The following ARHGAP19 variants were observed in gnomAD, a reference collection of about 807,000 sequenced individuals.
The protein encoded by ARHGAP19 is rho GTPase-activating protein 19.
A neutral mutation model predicts 60.9 loss-of-function variants in ARHGAP19; 48 were observed. That is an observed-to-expected ratio of 0.79 (90% CI 0.62 to 1.00). The LOEUF (loss-of-function observed/expected upper bound fraction) is 1.00. Among genes scored for constraint, ARHGAP19 ranks in the 50% least tolerant of loss-of-function variants. ARHGAP19 has a pLI of 0.00. For missense variants in ARHGAP19, 562 were observed against 597.2 expected, an observed-to-expected ratio of 0.94 and a Z score of 0.61; for synonymous variants, 209 against 215.5, an observed-to-expected ratio of 0.97 and a Z score of 0.27.
At chr10:97,230,428 T>A (rs1850986475) in intron 9 of ARHGAP19, among the ~76,000 whole-genome samples, 1 of 152,206 alleles carries the variant, frequency 6.6e-6, no homozygotes, top group Non-Finnish European at 1.5e-5. Context: ...CTTAAGGGGG[T>A]CACATGACTG....
intron 6 of ARHGAP19, among the ~76,000 whole-genome samples, chr10:97,253,116 C>T (rs772934953): frequency 2.6e-5 from 4 of 152,004 alleles, no homozygotes; most frequent in Non-Finnish European, 4.4e-5. Context: ...AGGTTGGCTG[C>T]GGTGGCTCAC....
chr10:97,263,538 G>C lies in ARHGAP19; in HGVS notation c.495C>G (p.Asp165Glu), dbSNP rs1842858743. 6.2e-7 allele frequency: 1 copy of C among 1,614,000 alleles called. No individual in the cohort carries two copies. The stretch of plus-strand genomic sequence containing the variant: ...TTGAGTGAAATTCCCCTGATTCCAA[G>C]TCAATGTCAGTTCCATTATTGAGAG... ...RDALNNGTDI[D>E]LESGEFHSND... The change falls in exon 4 of 12, where the codon GAC (aspartate) becomes GAG (glutamate). Residue 165 changes from aspartate (D) to glutamate (E), a missense_variant. By Grantham distance (45) the Asp-to-Glu change is conservative. Transcript: ENST00000358531.
At chr10:97,259,721 A>C in intron 4 of ARHGAP19, 93 bp from the exon 5 acceptor site, 1 of 867,964 alleles carries the variant, frequency 1.2e-6, no homozygotes, top group Non-Finnish European at 1.9e-6. Context: ...ACTCCCATCA[A>C]AGAAAGAGGG....
chr10:97,272,284 C>CCACCCCACCCA (rs1842970341), intron 1 of ARHGAP19, among the ~76,000 whole-genome samples: 1 of 151,868 alleles, frequency 6.6e-6, no homozygotes, highest in Non-Finnish European at 1.5e-5. Flanking sequence ...TAGGCACACG[C>CCACCCCACCCA]CACCCCACCC....
At chr10:97,236,803 G>GAAAATAAA (rs1842386774) in intron 8 of ARHGAP19, among the ~76,000 whole-genome samples, 1 of 80,032 alleles carries the variant, frequency 1.2e-5, no homozygotes, top group African/African-American at 5.1e-5. Context: ...AACAGACTCA[G>GAAAATAAA]AAAAAAAAAA....
At chr10:97,235,046 G>A (rs1175221469) in intron 9 of ARHGAP19, among the ~76,000 whole-genome samples, 171 bp downstream of exon 9, 1 of 152,146 alleles carries the variant, frequency 6.6e-6, no homozygotes, top group Non-Finnish European at 1.5e-5. Flanking sequence ...GTGCAACACA[G>A]CAAAGCACTT....
At chr10:97,272,131 C>CTTTTTTTTTTTTTTT (rs35980234) in intron 1 of ARHGAP19, among the ~76,000 whole-genome samples, 4 of 85,634 alleles carry the variant, frequency 4.7e-5, no homozygotes, top group Non-Finnish European at 6.1e-5. Context: ...GGAAATATGT[C>CTTTTTTTTTTTTTTT]TTTTTTTTTT....
intron 6 of ARHGAP19, among the ~76,000 whole-genome samples, chr10:97,249,770 C>T (rs797015486): frequency 2.6e-4 from 38 of 147,284 alleles, no homozygotes; most frequent in African/African-American, 9.5e-4. Flanking sequence ...TTTTTAGTTT[C>T]TTAGATGTGA....
At chr10:97,270,652 A>C in intron 1 of ARHGAP19, 1 of 1,548,304 alleles carries the variant, frequency 6.5e-7, no homozygotes, top group South Asian at 1.2e-5. Flanking sequence ...TCGAAGAGAC[A>C]GGAAGAAAGC....
intron 6 of ARHGAP19, among the ~76,000 whole-genome samples, chr10:97,251,248 G>GGGAA: frequency 2.2e-5 from 1 of 46,120 alleles, no homozygotes; most frequent in East Asian, 5.7e-4. Flanking sequence ...GGAAGGGAAG[G>GGGAA]GGGAGGGAAG....
At chr10:97,237,479 A>G (rs1026812182) in intron 8 of ARHGAP19, among the ~76,000 whole-genome samples, 1 of 152,170 alleles carries the variant, frequency 6.6e-6, no homozygotes, top group African/African-American at 2.4e-5. Flanking sequence ...GTGTTACTCA[A>G]GTGACTGCAG....
chr10:97,273,784 C>T (rs886217105), intron 1 of ARHGAP19, among the ~76,000 whole-genome samples: 4 of 152,178 alleles, frequency 2.6e-5, no homozygotes, highest in Admixed American at 6.5e-5. Flanking sequence ...CCACCACACC[C>T]GACCCACAAC....
intron 1 of ARHGAP19, among the ~76,000 whole-genome samples, chr10:97,290,232 C>T (rs983565165): frequency 2.0e-5 from 3 of 152,180 alleles, no homozygotes; most frequent in Admixed American, 6.5e-5. Context: ...TCTACCACTG[C>T]TGTTTGCCGC....
chr10:97,290,375 G>T (rs1341162693), intron 1 of ARHGAP19, among the ~76,000 whole-genome samples: 1 of 152,194 alleles, frequency 6.6e-6, no homozygotes, highest in Admixed American at 6.6e-5. Flanking sequence ...GCTTGCCATT[G>T]TTCCTGCATG....
At chr10:97,262,060 A>G (rs1358576986) in intron 4 of ARHGAP19, among the ~76,000 whole-genome samples, 1 of 152,178 alleles carries the variant, frequency 6.6e-6, no homozygotes, top group Non-Finnish European at 1.5e-5. Context: ...TTTAGAAATC[A>G]GTAACACTGG....
At chr10:97,226,947 AC>A (rs2134798601) in intron 11 of ARHGAP19, among the ~76,000 whole-genome samples, 1 of 152,312 alleles carries the variant, frequency 6.6e-6, no homozygotes, top group East Asian at 1.9e-4. Context: ...TTGCCTCCTC[AC>A]CCACCATGGG....
At chr10:97,267,967 C>A (rs1842919807) in intron 1 of ARHGAP19, among the ~76,000 whole-genome samples, 2 of 152,230 alleles carry the variant, frequency 1.3e-5, no homozygotes, top group Non-Finnish European at 2.9e-5. Context: ...TAGCATTTGG[C>A]TCCTCCTTAT....
At chr10:97,279,023 T>C (rs949636844) in intron 1 of ARHGAP19, among the ~76,000 whole-genome samples, 4 of 152,202 alleles carry the variant, frequency 2.6e-5, no homozygotes, top group Admixed American at 1.3e-4. Context: ...ATGCCCTCTC[T>C]CTTACTGCTT....
chr10:97,229,134 G>T lies in ARHGAP19; in HGVS notation c.1474+13C>A. On this transcript the variant is annotated intron_variant, in intron 11 of 11. Coordinates refer to ENST00000358531, the MANE Select transcript of ARHGAP19 (RefSeq NM_032900.6). ...TACATTTAGTAAGAACAGAGAGTAAGTACAATTAGTACCTTTTTTCCCCTC... is the reference window on the plus strand; with the variant it reads ...TACATTTAGTAAGAACAGAGAGTAATTACAATTAGTACCTTTTTTCCCCTC... 6.2e-7 allele frequency: 1 copy of T among 1,605,722 alleles called. No homozygotes were observed. The highest frequency in any genetic ancestry group is 8.5e-7 in the Non-Finnish European group (1 of 1,172,254).
Sources: allele counts gnomAD v4.1 joint callset (sites outside exome capture counted in the v4.1 genomes callset), GRCh38; gene constraint gnomAD v4.1.1; transcripts MANE v1.5; gene names NCBI Gene and HGNC (gene_info 2026-07-23, HGNC 2026-07-21).